The following PRELID2 variants were observed in gnomAD, a reference collection of about 807,000 sequenced individuals.
PRELID2 encodes the protein PRELI domain-containing protein 2.
Under a neutral mutation model 28.4 loss-of-function variants are expected in PRELID2, and 25 were observed. The ratio of observed to expected loss-of-function variants is 0.88; its 90% CI spans 0.64 to 1.23. The LOEUF (loss-of-function observed/expected upper bound fraction) is 1.23, where lower values mean the gene tolerates loss of function less well. PRELID2 is among the 50% of genes most tolerant of loss of function. The pLI is 0.00. For missense variants in PRELID2, 201 were observed against 214.4 expected, an observed-to-expected ratio of 0.94 and a Z score of 0.39; for synonymous variants, 76 against 71.6, an observed-to-expected ratio of 1.06 and a Z score of -0.31.
intron 1 of PRELID2, among the ~76,000 whole-genome samples, chr5:145,694,518 G>A (rs545995205): frequency 1.5e-4 from 23 of 152,202 alleles, no homozygotes; most frequent in African/African-American, 5.5e-4. Context: ...AAAATATAAT[G>A]TACAGCTTCA....
chr5:145,264,129 A>C, the PRELID2 span, among the ~76,000 whole-genome samples: 2 of 152,074 alleles, frequency 1.3e-5, no homozygotes, highest in Non-Finnish European at 2.9e-5. Flanking sequence ...GAAAGAGGGA[A>C]TCCTCCCCAA....
the PRELID2 span, among the ~76,000 whole-genome samples, chr5:145,342,527 A>AAT: frequency 6.6e-6 from 1 of 152,096 alleles, no homozygotes; most frequent in East Asian, 1.9e-4. Flanking sequence ...TTATCCACTG[A>AAT]ATATATATAT....
the PRELID2 span, among the ~76,000 whole-genome samples, chr5:145,446,483 G>A: frequency 6.6e-6 from 1 of 152,068 alleles, no homozygotes; most frequent in Non-Finnish European, 1.5e-5. Context: ...ACAGTATGGG[G>A]AGTAGTAGAA....
chr5:145,698,990 G>A (rs1161598122), intron 1 of PRELID2, among the ~76,000 whole-genome samples: 4 of 152,158 alleles, frequency 2.6e-5, no homozygotes, highest in East Asian at 1.9e-4. Context: ...GCCTCCCAAA[G>A]TGCTGGGATT....
intron 1 of PRELID2, among the ~76,000 whole-genome samples, chr5:145,659,356 T>C (rs932125829): frequency 2.0e-5 from 3 of 152,254 alleles, no homozygotes; most frequent in Admixed American, 1.3e-4. Flanking sequence ...TTTCCCCTTT[T>C]ATACCCTATG....
intron 1 of PRELID2, among the ~76,000 whole-genome samples, chr5:145,659,692 T>C (rs1339761056): frequency 6.6e-6 from 1 of 152,228 alleles, no homozygotes; most frequent in Non-Finnish European, 1.5e-5. Flanking sequence ...GAGGGAGATA[T>C]GGACCTCAGA....
At chr5:145,426,318 C>T in the PRELID2 span, among the ~76,000 whole-genome samples, 1 of 152,092 alleles carries the variant, frequency 6.6e-6, no homozygotes, top group Non-Finnish European at 1.5e-5. Flanking sequence ...ATTTTCATCT[C>T]GGTGAGGAAA....
chr5:145,260,102 T>C, the PRELID2 span, among the ~76,000 whole-genome samples: 4 of 152,236 alleles, frequency 2.6e-5, no homozygotes, highest in East Asian at 7.7e-4. Context: ...GCTCCTGCCA[T>C]GTAAGATGCT....
At chr5:145,467,764 AT>A (rs35060118), downstream of PRELID2, among the ~76,000 whole-genome samples, 234 of 145,162 alleles carry the variant, frequency 1.6e-3, no homozygotes, top group Non-Finnish European at 1.6e-3. Context: ...GACTTTACAG[AT>A]TTTTTTTTTT....
the PRELID2 span, among the ~76,000 whole-genome samples, chr5:145,257,915 T>C: frequency 0.05 from 7,605 of 152,238 alleles, 333 homozygotes; most frequent in African/African-American, 0.11. Flanking sequence ...GGATTTCTCA[T>C]GCATGGTTTA....
chr5:145,480,064 G>A (rs1336635003), intron 1 of PRELID2, among the ~76,000 whole-genome samples: 1 of 152,132 alleles, frequency 6.6e-6, no homozygotes, highest in Non-Finnish European at 1.5e-5. Context: ...GCATTAGCTT[G>A]CTCACTAGGA....
intron 1 of PRELID2, among the ~76,000 whole-genome samples, chr5:145,635,801 G>A (rs1753992256): frequency 6.6e-6 from 1 of 152,182 alleles, no homozygotes; most frequent in Non-Finnish European, 1.5e-5. Context: ...CTGGCCACAG[G>A]CTGTTAATGA....
intron 1 of PRELID2, among the ~76,000 whole-genome samples, chr5:145,658,995 T>G (rs1358667743): frequency 1.3e-5 from 2 of 152,094 alleles, no homozygotes; most frequent in Non-Finnish European, 2.9e-5. Flanking sequence ...TCGAGGCAGA[T>G]GCATGAGAAC....
chr5:145,263,854 CAA>C, the PRELID2 span, among the ~76,000 whole-genome samples: 754 of 123,172 alleles, frequency 6.1e-3, 5 homozygotes, highest in African/African-American at 0.02. Flanking sequence ...AAAAAGTTAC[CAA>C]AAAAAAAAAA....
chr5:145,351,507 C>T, the PRELID2 span, among the ~76,000 whole-genome samples: 2 of 152,202 alleles, frequency 1.3e-5, no homozygotes, highest in South Asian at 4.2e-4. Flanking sequence ...CCCACTGGGT[C>T]CCTCCCACAA....
chr5:145,406,062 A>G, the PRELID2 span, among the ~76,000 whole-genome samples: 1 of 152,192 alleles, frequency 6.6e-6, no homozygotes, highest in African/African-American at 2.4e-5. Flanking sequence ...GATCACAAGA[A>G]CAACACCATG....
chr5:145,410,780 A>G, the PRELID2 span, among the ~76,000 whole-genome samples: 30 of 152,032 alleles, frequency 2.0e-4, no homozygotes, highest in Admixed American at 2.0e-3. Context: ...CTGCCACTGC[A>G]CTCCCGAATC....
At chr5:145,423,249 G>A in the PRELID2 span, among the ~76,000 whole-genome samples, 30 of 149,086 alleles carry the variant, frequency 2.0e-4, no homozygotes, top group African/African-American at 4.9e-4. Context: ...TCTTTGTGGC[G>A]TTCTCTGTAT....
the PRELID2 span, among the ~76,000 whole-genome samples, chr5:145,264,458 A>C: frequency 2.6e-5 from 4 of 152,098 alleles, no homozygotes; most frequent in African/African-American, 9.7e-5. Context: ...TATGACTCAA[A>C]CCCTCCACAA....
Sources: allele counts gnomAD v4.1 joint callset (sites outside exome capture counted in the v4.1 genomes callset), GRCh38; gene constraint gnomAD v4.1.1; transcripts MANE v1.5; gene names NCBI Gene and HGNC (gene_info 2026-07-23, HGNC 2026-07-21).